UTRN: variants seen among roughly 807,000 people sequenced by gnomAD.
UTRN encodes utrophin, also known as dystrophin-related protein 1.
Under a neutral mutation model 463.9 loss-of-function variants are expected in UTRN, and 283 were observed. That is an observed-to-expected ratio of 0.61 (90% CI 0.55 to 0.67). The LOEUF is 0.67. UTRN is among the 30% of genes least tolerant of loss of function. The probability of loss-of-function intolerance (pLI) is 0.00; values close to 1 mark genes in which losing one functional copy is unlikely to be tolerated. For missense variants in UTRN, 3,922 were observed against 4,084.3 expected (o/e 0.96, Z 1.08); for synonymous variants, 1,442 against 1,431.5 (o/e 1.01, Z -0.17).
chr6:144,789,159 A>G (rs1211881760), intron 61 of UTRN, 35 bp from the exon 62 acceptor site: 2 of 1,528,734 alleles, frequency 1.3e-6, no homozygotes, highest in Admixed American at 1.7e-5. Flanking sequence ...ATGGTTTTAA[A>G]TGCATCTAAC....
chr6:144,400,226 A>C (rs1240050009), intron 2 of UTRN, among the ~76,000 whole-genome samples: 1 of 152,228 alleles, frequency 6.6e-6, no homozygotes, highest in Admixed American at 6.5e-5. Flanking sequence ...ATATTCATTC[A>C]CTTAATATTA....
intron 48 of UTRN, among the ~76,000 whole-genome samples, chr6:144,552,477 T>C (rs377479298): frequency 6.6e-6 from 1 of 152,230 alleles, no homozygotes; most frequent in Non-Finnish European, 1.5e-5. Context: ...TGATGTTTTC[T>C]TTTAATTATT....
intron 2 of UTRN, among the ~76,000 whole-genome samples, chr6:144,400,152 A>G (rs955586157): frequency 6.6e-6 from 1 of 152,206 alleles, no homozygotes; most frequent in African/African-American, 2.4e-5. Flanking sequence ...CCTAAGGAAA[A>G]CAGGGTTTGA....
Position 144,459,320 on chromosome 6 carries a change from G to C in UTRN, c.2673G>C (p.Glu891Asp), listed in dbSNP as rs1452155555. The C allele has an allele frequency of 1.2e-6, 2 of 1,610,430 alleles. No individual in the cohort carries two copies. The highest frequency in any genetic ancestry group is 1.3e-5 in the African/African-American group (1 of 74,794). Residue 891 changes from glutamate to aspartate, a missense_variant, in exon 21 of 75, where the codon GAG becomes GAC. By Grantham distance (45) the Glu-to-Asp change is conservative. Around this residue, in one of 3 missense-constraint regions of UTRN, gnomAD observed 2,349 missense variants for 2,303.8 expected, o/e 1.02. Coordinates refer to ENST00000367545, the MANE Select transcript of UTRN (RefSeq NM_007124.3). Reference sequence around the variant, plus strand: ...TGGGCCGCTACCAAGCTGTACAAGAGGCTGTAGAGGATCGTCAACAACATC... The same window carrying C: ...TGGGCCGCTACCAAGCTGTACAAGACGCTGTAGAGGATCGTCAACAACATC... ...SFLGRYQAVQEAVEDRQQHLE... is the reference protein window; with the variant it reads ...SFLGRYQAVQDAVEDRQQHLE...
At position 144,521,046 on chromosome 6, in the gene UTRN, G is replaced by A. The variant is rs1339351738; in HGVS notation, c.5542-934G>A. On this transcript the variant is annotated intron_variant, in intron 39 of 74. Transcript: ENST00000367545. ...CATGCCTGTAATCCCAGCACTTTGG[G>A]AGGCTGAGGTCAGCTGATCACTTGA... 2.0e-5 allele frequency among the ~76,000 whole-genome samples: 3 copies of A among 152,166 alleles called. No homozygotes were observed. In the East Asian group the frequency reaches 5.8e-4, roughly 29 times the overall value.
chr6:144,836,581 A>ATCTG, intron 71 of UTRN, 40 bp downstream of exon 71: 4 of 1,608,374 alleles, frequency 2.5e-6, no homozygotes, highest in Non-Finnish European at 3.4e-6. Flanking sequence ...TCCCCAGGCC[A>ATCTG]TCTGTCCACT....
rs1265937584 is a variant in UTRN, at chr6:144,622,178, T to TTTG, written c.7479+44896_7479+44898dup. On this transcript the variant is annotated intron_variant, in intron 51 of 74. Coordinates refer to ENST00000367545, the MANE Select transcript of UTRN (RefSeq NM_007124.3). ...TTACAATAGATGGTATCCATTTTTT[T>TTTG]TTGTTGTTTTTTTTTTTTTTTTTTT... is the stretch of plus-strand genomic sequence containing the variant. Among the ~76,000 whole-genome samples, 53 of 135,120 alleles carry TTTG rather than the reference T, an allele frequency of 3.9e-4. 1 individual carries two copies. The East Asian group carries it at 5.6e-3, about 14-fold the overall frequency. The allele number at this position is 135,120 out of a possible 152,430, so 88.6% of individuals were successfully genotyped here. A position where few individuals can be genotyped will look rare whatever the true frequency, so the allele number is the denominator to read the frequency against.
At chr6:144,396,204 T>C (rs530587221) in intron 2 of UTRN, among the ~76,000 whole-genome samples, 1 of 152,324 alleles carries the variant, frequency 6.6e-6, no homozygotes, top group Non-Finnish European at 1.5e-5. Flanking sequence ...TATAAAAGAA[T>C]GAAGTTCTGA....
At chr6:144,791,455 C>T (rs972195198) in intron 62 of UTRN, among the ~76,000 whole-genome samples, 2 of 151,954 alleles carry the variant, frequency 1.3e-5, no homozygotes, top group African/African-American at 4.8e-5. Context: ...GCCTGTAGTC[C>T]TAGCTACTTG....
intron 56 of UTRN, among the ~76,000 whole-genome samples, chr6:144,753,799 C>T (rs7750430): frequency 0.026 from 3,881 of 151,178 alleles, 160 homozygotes; most frequent in African/African-American, 0.09. Flanking sequence ...CCCAGGAGGT[C>T]GAGGCTGCAG....
At chr6:144,436,955 T>C (rs56364980) in intron 10 of UTRN, among the ~76,000 whole-genome samples, 2,501 of 146,694 alleles carry the variant, frequency 0.017, 31 homozygotes, top group South Asian at 0.027. Context: ...TATATATATT[T>C]ATAATTTTTT....
intron 51 of UTRN, among the ~76,000 whole-genome samples, chr6:144,612,966 A>G (rs1354489966): frequency 1.3e-5 from 2 of 152,102 alleles, no homozygotes; most frequent in Non-Finnish European, 2.9e-5. Flanking sequence ...ACATCCATTA[A>G]CAGATGAATG....
chr6:144,654,842 G>T (rs752850984), intron 51 of UTRN, among the ~76,000 whole-genome samples: 5 of 152,210 alleles, frequency 3.3e-5, no homozygotes, highest in African/African-American at 9.7e-5. Flanking sequence ...GGTTGCTGAA[G>T]GCTGACTCCT....
At chr6:144,720,434 G>A (rs572992449) in intron 53 of UTRN, among the ~76,000 whole-genome samples, 2 of 152,304 alleles carry the variant, frequency 1.3e-5, no homozygotes, top group Admixed American at 1.3e-4. Flanking sequence ...CATCCAAAGA[G>A]CACCCTGAGT....
At chr6:144,371,651 G>T (rs1453795976) in intron 2 of UTRN, among the ~76,000 whole-genome samples, 2 of 152,158 alleles carry the variant, frequency 1.3e-5, no homozygotes. Flanking sequence ...CAGGTGATCT[G>T]CCGTCCTCGG....
At chr6:144,681,663 G>A (rs1370610417) in intron 52 of UTRN, among the ~76,000 whole-genome samples, 1 of 151,934 alleles carries the variant, frequency 6.6e-6, no homozygotes, top group Non-Finnish European at 1.5e-5. Flanking sequence ...ACTCAGTCTC[G>A]TTATCTCAAG....
At chr6:144,761,184 CTTAAG>C (rs1792629270) in intron 58 of UTRN, among the ~76,000 whole-genome samples, 2 of 152,094 alleles carry the variant, frequency 1.3e-5, no homozygotes, top group Non-Finnish European at 1.5e-5. Flanking sequence ...TTGTTAATAT[CTTAAG>C]TTAAAACTAG....
At chr6:144,842,514 G>A (rs1781673586) in intron 73 of UTRN, among the ~76,000 whole-genome samples, 1 of 152,130 alleles carries the variant, frequency 6.6e-6, no homozygotes, top group Non-Finnish European at 1.5e-5. Flanking sequence ...GCTTGAACCT[G>A]GGAGGCTGAA....
chr6:144,813,847 T>G (rs1015871344), intron 65 of UTRN, among the ~76,000 whole-genome samples: 1 of 152,188 alleles, frequency 6.6e-6, no homozygotes, highest in African/African-American at 2.4e-5. Context: ...AAAAAAGGTG[T>G]GACATTTCTA....
Sources: gnomAD v4.1 joint callset for allele counts (sites outside exome capture counted in the v4.1 genomes callset) on GRCh38, gnomAD v4.1.1 for gene constraint, gnomAD v4.1.1 regional missense constraint, MANE v1.5 for transcripts, NCBI Gene and HGNC (gene_info 2026-07-23, HGNC 2026-07-21) for gene names.